Variants in NXPH1 observed in about 807,000 individuals in gnomAD.
NXPH1 encodes the protein neurexophilin 1.
A neutral mutation model predicts 23.7 loss-of-function variants in NXPH1; 5 were observed. The observed-to-expected ratio is 0.21, with a 90% confidence interval of 0.11 to 0.44. The LOEUF (loss-of-function observed/expected upper bound fraction) is 0.44. Among genes scored for constraint, NXPH1 ranks in the 20% least tolerant of loss-of-function variants. The probability of loss-of-function intolerance (pLI) is 0.99; values close to 1 mark genes in which losing one functional copy is unlikely to be tolerated. For missense variants in NXPH1, 324 were observed against 321.6 expected (o/e 1.01, Z -0.06); for synonymous variants, 144 against 122.2 (o/e 1.18, Z -1.18).
intron 2 of NXPH1, among the ~76,000 whole-genome samples, chr7:8,529,864 C>G (rs976542416): frequency 6.6e-6 from 1 of 152,066 alleles, no homozygotes; most frequent in Non-Finnish European, 1.5e-5. Flanking sequence ...AATTTCTGGC[C>G]TCTCTCTTCT....
At chr7:8,680,951 C>T (rs1177948239) in intron 2 of NXPH1, among the ~76,000 whole-genome samples, 2 of 152,208 alleles carry the variant, frequency 1.3e-5, no homozygotes, top group South Asian at 4.1e-4. Context: ...TCACCTGGGA[C>T]AGGGTTAAGA....
intron 2 of NXPH1, among the ~76,000 whole-genome samples, chr7:8,549,547 G>T (rs1818247732): frequency 6.6e-6 from 1 of 151,438 alleles, no homozygotes; most frequent in African/African-American, 2.4e-5. Context: ...TCAGTAGATT[G>T]TTTTCTTCCC....
At chr7:8,520,947 T>C (rs1239676236) in intron 2 of NXPH1, among the ~76,000 whole-genome samples, 3 of 152,142 alleles carry the variant, frequency 2.0e-5, no homozygotes, top group African/African-American at 7.2e-5. Context: ...CCACAAGAAA[T>C]TCTGACATCC....
chr7:8,632,683 A>C (rs1187478320), intron 2 of NXPH1, among the ~76,000 whole-genome samples: 3 of 152,206 alleles, frequency 2.0e-5, no homozygotes, highest in Non-Finnish European at 4.4e-5. Flanking sequence ...TCTCCTTGTA[A>C]GTTAATATAC....
intron 2 of NXPH1, among the ~76,000 whole-genome samples, chr7:8,748,314 AG>A (rs1477485318): frequency 6.6e-6 from 1 of 152,232 alleles, no homozygotes; most frequent in Non-Finnish European, 1.5e-5. Context: ...GAGATACCAA[AG>A]CAAGGGTTGA....
At chr7:8,740,855 T>C (rs1390985835) in intron 2 of NXPH1, among the ~76,000 whole-genome samples, 1 of 152,194 alleles carries the variant, frequency 6.6e-6, no homozygotes, top group Non-Finnish European at 1.5e-5. Flanking sequence ...ACAACCAAGC[T>C]AATTAAAATA....
chr7:8,713,096 A>C (rs556515218), intron 2 of NXPH1, among the ~76,000 whole-genome samples: 1 of 152,136 alleles, frequency 6.6e-6, no homozygotes, highest in South Asian at 2.1e-4. Context: ...TATTTTCTAC[A>C]AGAAGCTTTC....
intron 2 of NXPH1, among the ~76,000 whole-genome samples, chr7:8,631,552 A>G (rs2349495): frequency 0.28 from 41,822 of 150,890 alleles, 6,176 homozygotes; most frequent in African/African-American, 0.36. Flanking sequence ...TCCAGCATCT[A>G]TAAGGTTTTT....
chr7:8,666,976 G>T (rs1478860768), intron 2 of NXPH1, among the ~76,000 whole-genome samples: 1 of 151,696 alleles, frequency 6.6e-6, no homozygotes, highest in Non-Finnish European at 1.5e-5. Flanking sequence ...TCTACTATAG[G>T]TTTTTGCTCT....
At chr7:8,556,147 A>T (rs946164322) in intron 2 of NXPH1, among the ~76,000 whole-genome samples, 3 of 151,750 alleles carry the variant, frequency 2.0e-5, no homozygotes, top group East Asian at 3.9e-4. Context: ...TGATCCAAAA[A>T]TAAGTATCTT....
At chr7:8,629,651 G>T (rs768262401) in intron 2 of NXPH1, among the ~76,000 whole-genome samples, 69 of 151,960 alleles carry the variant, frequency 4.5e-4, no homozygotes, top group African/African-American at 1.1e-3. Context: ...TGTCTGTAAA[G>T]TAGAGGCCAC....
At chr7:8,524,227 G>C (rs1027884565) in intron 2 of NXPH1, among the ~76,000 whole-genome samples, 1 of 119,040 alleles carries the variant, frequency 8.4e-6, no homozygotes, top group African/African-American at 3.4e-5. Flanking sequence ...GGGTGACAGA[G>C]TGAGACTCTG....
intron 2 of NXPH1, among the ~76,000 whole-genome samples, chr7:8,603,868 C>T (rs1325844689): frequency 6.6e-6 from 1 of 151,956 alleles, no homozygotes; most frequent in African/African-American, 2.4e-5. Context: ...TTTATTCTTT[C>T]CTTATTTACT....
chr7:8,463,433 T>A (rs988988110), intron 2 of NXPH1, among the ~76,000 whole-genome samples: 2 of 152,164 alleles, frequency 1.3e-5, no homozygotes, highest in African/African-American at 2.4e-5. Context: ...ATACACTCTT[T>A]CATGTGCAGT....
intron 2 of NXPH1, among the ~76,000 whole-genome samples, chr7:8,672,121 T>A (rs1820877771): frequency 6.6e-6 from 1 of 152,172 alleles, no homozygotes; most frequent in Non-Finnish European, 1.5e-5. Flanking sequence ...ATGTGGCACA[T>A]ATACACCATG....
chr7:8,436,791 G>T (rs1816203706), intron 2 of NXPH1, among the ~76,000 whole-genome samples: 1 of 152,102 alleles, frequency 6.6e-6, no homozygotes, highest in Non-Finnish European at 1.5e-5. Flanking sequence ...TCTCTGATGG[G>T]CTACACCTCT....
rs1025971354 is a variant in NXPH1, at chr7:8,442,140, T to C, written c.54+6373T>C. Among the ~76,000 whole-genome samples, 2 of 152,126 alleles carry C rather than the reference T, an allele frequency of 1.3e-5. No homozygotes were observed. The stretch of plus-strand genomic sequence containing the variant: ...GCTTACGAAAAGCTTTCCTAGCTCC[T>C]TCTTCCTATAAATTAATGAGGGTAT... On this transcript the variant is annotated intron_variant, in intron 2 of 2. Transcript: ENST00000405863. This position sits in a 1 kb window ranked among gnomAD's most constrained non-coding sequence, Gnocchi z 4.6.
intron 2 of NXPH1, among the ~76,000 whole-genome samples, chr7:8,729,925 A>C (rs1465985203): frequency 3.4e-5 from 5 of 145,680 alleles, no homozygotes; most frequent in African/African-American, 1.0e-4. Flanking sequence ...GATCTGTCTA[A>C]TGTTGACAGT....
chr7:8,735,007 G>T (rs1256107217), intron 2 of NXPH1, among the ~76,000 whole-genome samples: 1 of 152,188 alleles, frequency 6.6e-6, no homozygotes, highest in African/African-American at 2.4e-5. Context: ...CTGATACTTT[G>T]CTGAAGTTGC....
Sources: allele counts gnomAD v4.1 joint callset (sites outside exome capture counted in the v4.1 genomes callset), GRCh38; gene constraint gnomAD v4.1.1; non-coding constraint Gnocchi (gnomAD v3.1); transcripts MANE v1.5; gene names NCBI Gene and HGNC (gene_info 2026-07-23, HGNC 2026-07-21).